CTNND2: variants seen among roughly 807,000 people sequenced by gnomAD.
The protein encoded by CTNND2 is catenin delta 2, also known as catenin delta-2.
CTNND2 carries 22 observed loss-of-function variants against 144.4 expected under a neutral mutation model. The observed-to-expected ratio is 0.15, with a 90% CI of 0.11 to 0.22. CTNND2 has a LOEUF of 0.22. Among genes scored for constraint, CTNND2 ranks in the 10% least tolerant of loss-of-function variants. The pLI, the probability that CTNND2 is intolerant of heterozygous loss-of-function variation, is 1.00. For synonymous variants in CTNND2, 751 were observed against 695.6 expected, an observed-to-expected ratio of 1.08 and a Z score of -1.25; for missense variants, 1,353 against 1,618.8, an observed-to-expected ratio of 0.84 and a Z score of 2.82.
At chr5:11,634,240 T>C (rs1307439339) in intron 2 of CTNND2, among the ~76,000 whole-genome samples, 2 of 152,146 alleles carry the variant, frequency 1.3e-5, no homozygotes, top group Admixed American at 6.6e-5. Flanking sequence ...CCCATATTCT[T>C]TTTCAGCACC....
intron 1 of CTNND2, among the ~76,000 whole-genome samples, chr5:11,879,341 G>GTGTATATATATATATATATATATATA: frequency 8.0e-4 from 88 of 109,348 alleles, no homozygotes; most frequent in Non-Finnish European, 1.1e-3. Context: ...TTAAATGTGT[G>GTGTATATATATATATATATATATATA]TATATATATA....
intron 1 of CTNND2, among the ~76,000 whole-genome samples, chr5:11,884,537 T>C (rs1417057064): frequency 6.6e-6 from 1 of 152,222 alleles, no homozygotes; most frequent in Admixed American, 6.5e-5. Context: ...TTGCTCTATA[T>C]ATCTGTTTTG....
intron 2 of CTNND2, among the ~76,000 whole-genome samples, chr5:11,682,332 T>G (rs1784452232): frequency 6.6e-6 from 1 of 152,160 alleles, no homozygotes; most frequent in African/African-American, 2.4e-5. Flanking sequence ...AAAGCCGAGG[T>G]GTTGAAAATT....
At chr5:11,291,706 A>G (rs958975937) in intron 9 of CTNND2, among the ~76,000 whole-genome samples, 12 of 152,116 alleles carry the variant, frequency 7.9e-5, no homozygotes, top group African/African-American at 2.9e-4. Context: ...ACGTATCTCT[A>G]GCTTTATGAC....
intron 2 of CTNND2, among the ~76,000 whole-genome samples, chr5:11,721,938 G>C (rs754584138): frequency 6.6e-6 from 1 of 152,162 alleles, no homozygotes; most frequent in Non-Finnish European, 1.5e-5. Flanking sequence ...ATCACAAGAA[G>C]GATGGGAGAC....
At chr5:11,498,653 C>T (rs981612287) in intron 3 of CTNND2, among the ~76,000 whole-genome samples, 2 of 152,328 alleles carry the variant, frequency 1.3e-5, no homozygotes, top group East Asian at 3.9e-4. Flanking sequence ...CCCTTCCATA[C>T]AGCCAATAAA....
intron 5 of CTNND2, among the ~76,000 whole-genome samples, chr5:11,404,226 T>G (rs1053124842): frequency 1.3e-5 from 2 of 152,166 alleles, no homozygotes; most frequent in African/African-American, 4.8e-5. Flanking sequence ...TATGAAAACC[T>G]TTTGGCTTTG....
chr5:11,279,790 A>G (rs920642177), intron 9 of CTNND2, among the ~76,000 whole-genome samples: 1 of 152,194 alleles, frequency 6.6e-6, no homozygotes, highest in Non-Finnish European at 1.5e-5. Flanking sequence ...GAGCAGACAC[A>G]TCACATGGTG....
At chr5:11,653,070 CGTGTGT>C (rs58056553) in intron 2 of CTNND2, among the ~76,000 whole-genome samples, 13,349 of 143,480 alleles carry the variant, frequency 0.093, 1,615 homozygotes, top group African/African-American at 0.29. Context: ...GAACAAAATT[CGTGTGT>C]GTGTGTGTGT....
intron 15 of CTNND2, chr5:11,083,825 G>C (rs959956151): frequency 2.1e-6 from 2 of 956,696 alleles, no homozygotes; most frequent in African/African-American, 1.8e-5. Flanking sequence ...CCCCCCACCA[G>C]GCCACCTCCA....
intron 2 of CTNND2, among the ~76,000 whole-genome samples, chr5:11,661,531 T>G (rs1783205361): frequency 6.6e-6 from 1 of 152,170 alleles, no homozygotes; most frequent in Non-Finnish European, 1.5e-5. Context: ...AGGACCTATG[T>G]GACGAAATGG....
chr5:11,143,481 C>CG (rs1756942900), intron 12 of CTNND2, among the ~76,000 whole-genome samples: 7 of 152,302 alleles, frequency 4.6e-5, no homozygotes, highest in Admixed American at 2.6e-4. Context: ...CTTGTAGGAG[C>CG]AGGACCCTGA....
In CTNND2 at chr5:11,646,644, ATTTCGTTTACTTGAT is replaced by A. The variant is rs567328490; in HGVS notation, c.175-81603_175-81589del. 5.2e-3 allele frequency among the ~76,000 whole-genome samples: 344 copies of A among 66,420 alleles called. 2 individuals are homozygous for A. The highest frequency in any genetic ancestry group is 0.015 in the Middle Eastern group (3 of 202). The allele number at this position is 66,420 out of a possible 152,430, so 43.6% of individuals were successfully genotyped here. A position where few individuals can be genotyped will look rare whatever the true frequency, so the allele number is the denominator to read the frequency against. On this transcript the variant is annotated intron_variant, in intron 2 of 21. Transcript: ENST00000304623. ...CTATTTCTTAGGAAATATCAAGTAA[ATTTCGTTTACTTGAT>A]ATTTTAAAATATTTTTTGTTCAATT...
At chr5:11,575,931 T>A (rs1581535312) in intron 2 of CTNND2, among the ~76,000 whole-genome samples, 1 of 152,232 alleles carries the variant, frequency 6.6e-6, no homozygotes, top group East Asian at 1.9e-4. Flanking sequence ...TCCACTGACA[T>A]TCATTCCCAA....
At chr5:11,114,761 C>T (rs1753374195) in intron 13 of CTNND2, among the ~76,000 whole-genome samples, 1 of 152,142 alleles carries the variant, frequency 6.6e-6, no homozygotes, top group South Asian at 2.1e-4. Flanking sequence ...GGAATCCACG[C>T]TCTTTTATGT....
At chr5:11,620,536 T>C (rs117934047) in intron 2 of CTNND2, among the ~76,000 whole-genome samples, 1,539 of 152,234 alleles carry the variant, frequency 0.01, 13 homozygotes, top group East Asian at 0.027. Flanking sequence ...TCCCCTTTGC[T>C]CCCTCTGCCT....
intron 10 of CTNND2, among the ~76,000 whole-genome samples, chr5:11,205,154 T>C (rs1055575809): frequency 6.6e-6 from 1 of 152,192 alleles, no homozygotes; most frequent in Non-Finnish European, 1.5e-5. Flanking sequence ...ATTTTAATAA[T>C]AGTGTGCAAG....
At chr5:11,263,194 T>C (rs929536612) in intron 9 of CTNND2, among the ~76,000 whole-genome samples, 10 of 152,214 alleles carry the variant, frequency 6.6e-5, no homozygotes, top group Non-Finnish European at 1.3e-4. Flanking sequence ...AGCATCGATA[T>C]CTCAACCTGC....
At chr5:11,006,189 A>T (rs1740460159) in intron 18 of CTNND2, among the ~76,000 whole-genome samples, 1 of 152,222 alleles carries the variant, frequency 6.6e-6, no homozygotes, top group Admixed American at 6.5e-5. Context: ...GCTTTCCCAC[A>T]TAGAGAAAAA....
Sources: gnomAD v4.1 joint callset for allele counts (sites outside exome capture counted in the v4.1 genomes callset) on GRCh38, gnomAD v4.1.1 for gene constraint, MANE v1.5 for transcripts, NCBI Gene and HGNC (gene_info 2026-07-23, HGNC 2026-07-21) for gene names.